The following MARCHF1 variants were observed in gnomAD, a reference collection of about 807,000 sequenced individuals.
MARCHF1 encodes the protein E3 ubiquitin-protein ligase MARCHF1.
A neutral mutation model predicts 54.2 loss-of-function variants in MARCHF1; 40 were observed. The observed-to-expected ratio is 0.74, with a 90% confidence interval of 0.57 to 0.96. The LOEUF (loss-of-function observed/expected upper bound fraction) is 0.96. Ranked by LOEUF, MARCHF1 falls within the 40% of genes least tolerant of loss-of-function variation. MARCHF1 has a pLI of 0.00. For missense variants in MARCHF1, 586 were observed against 656.5 expected, an observed-to-expected ratio of 0.89 and a Z score of 1.17; for synonymous variants, 236 against 236.3, an observed-to-expected ratio of 1.00 and a Z score of 0.01.
chr4:163,667,316 A>C (rs991576614), intron 5 of MARCHF1, among the ~76,000 whole-genome samples: 4 of 152,152 alleles, frequency 2.6e-5, no homozygotes, highest in Non-Finnish European at 5.9e-5. Context: ...TGACCCACCA[A>C]CAAGTGAAAA....
At chr4:163,851,533 A>C (rs973499533) in intron 4 of MARCHF1, among the ~76,000 whole-genome samples, 4 of 152,200 alleles carry the variant, frequency 2.6e-5, no homozygotes, top group Non-Finnish European at 5.9e-5. Flanking sequence ...CTAACCAGAG[A>C]TCACGGATTT....
intron 4 of MARCHF1, among the ~76,000 whole-genome samples, chr4:163,777,564 G>A (rs1195716425): frequency 2.0e-5 from 3 of 152,016 alleles, no homozygotes; most frequent in Admixed American, 6.6e-5. Flanking sequence ...AAAACAAGAG[G>A]TTGGGACCAG....
chr4:163,824,729 A>G (rs375849076), intron 4 of MARCHF1, among the ~76,000 whole-genome samples: 1 of 86,930 alleles, frequency 1.2e-5, no homozygotes, highest in African/African-American at 3.6e-5. Context: ...GAAAATTTTC[A>G]CAACCTACTC....
chr4:164,234,226 C>CA (rs1398371800), intron 1 of MARCHF1, among the ~76,000 whole-genome samples: 1 of 152,120 alleles, frequency 6.6e-6, no homozygotes, highest in Non-Finnish European at 1.5e-5. Flanking sequence ...TCTAGGTAAA[C>CA]AATTGAAAAA....
At chr4:164,071,560 C>T (rs1432643301) in intron 2 of MARCHF1, among the ~76,000 whole-genome samples, 1 of 151,946 alleles carries the variant, frequency 6.6e-6, no homozygotes, top group Non-Finnish European at 1.5e-5. Flanking sequence ...TTATATAATA[C>T]ATATTTTTAA....
At chr4:163,895,876 G>T (rs1218060453) in intron 3 of MARCHF1, among the ~76,000 whole-genome samples, 1 of 152,138 alleles carries the variant, frequency 6.6e-6, no homozygotes, top group Non-Finnish European at 1.5e-5. Flanking sequence ...TCTCTCATTT[G>T]CTCAGTCATG....
At chr4:163,967,430 AG>A (rs1429558790) in intron 3 of MARCHF1, among the ~76,000 whole-genome samples, 1 of 152,190 alleles carries the variant, frequency 6.6e-6, no homozygotes, top group Non-Finnish European at 1.5e-5. Context: ...GTTTTAAGAA[AG>A]GCAAATCACT....
intron 1 of MARCHF1, among the ~76,000 whole-genome samples, chr4:164,139,492 CAAAA>C (rs10604087): frequency 3.1e-5 from 4 of 129,846 alleles, no homozygotes; most frequent in Non-Finnish European, 5.2e-5. Context: ...TATCTAAAGT[CAAAA>C]AAAAAAAAAA....
chr4:163,942,780 CA>C lies in MARCHF1; in HGVS notation c.-39+45720del, dbSNP rs140275020. On this transcript the variant is annotated intron_variant, in intron 3 of 9. Coordinates refer to ENST00000514618, the MANE Select transcript of MARCHF1 (RefSeq NM_001394959.1). Reference sequence around the variant, plus strand: ...ATCTTTTTAGGACAGTTCTGTTGGACAAAAAAAGTCTCCCTTATAATAAATT... The same window carrying C: ...ATCTTTTTAGGACAGTTCTGTTGGACAAAAAAGTCTCCCTTATAATAAATT... Among the ~76,000 whole-genome samples the C allele has an allele frequency of 0.017, 2,601 of 151,888 alleles. 138 individuals are homozygous for C. In the East Asian group the frequency reaches 0.19, roughly 11 times the overall value.
intron 8 of MARCHF1, among the ~76,000 whole-genome samples, chr4:163,575,241 T>A (rs535755503): frequency 6.6e-6 from 1 of 152,220 alleles, no homozygotes; most frequent in East Asian, 1.9e-4. Context: ...AGGGTTTTTA[T>A]CATGAAGGAA....
intron 1 of MARCHF1, among the ~76,000 whole-genome samples, chr4:164,180,727 G>A (rs1730810464): frequency 6.6e-6 from 1 of 152,130 alleles, no homozygotes; most frequent in African/African-American, 2.4e-5. Flanking sequence ...TCTCTTGCAA[G>A]GCACTCTAAC....
chr4:163,906,839 C>T (rs930266454), intron 3 of MARCHF1, among the ~76,000 whole-genome samples: 8 of 151,890 alleles, frequency 5.3e-5, no homozygotes, highest in African/African-American at 1.9e-4. Flanking sequence ...CCCCTCCCCC[C>T]CCACATAATA....
At chr4:163,711,660 C>G (rs911740658) in intron 4 of MARCHF1, among the ~76,000 whole-genome samples, 5 of 152,136 alleles carry the variant, frequency 3.3e-5, no homozygotes, top group Admixed American at 2.0e-4. Context: ...TGTCAGGTAG[C>G]TTTCTGCAAA....
intron 3 of MARCHF1, among the ~76,000 whole-genome samples, chr4:163,985,532 A>G (rs576073159): frequency 1.3e-5 from 2 of 152,334 alleles, no homozygotes; most frequent in Non-Finnish European, 2.9e-5. Context: ...TAAAAAATCA[A>G]CAAAAGAATT....
At chr4:164,189,063 C>T in intron 1 of MARCHF1, 2 of 688,596 alleles carry the variant, frequency 2.9e-6, no homozygotes, top group Non-Finnish European at 5.3e-6. Flanking sequence ...GTGGCAGAAC[C>T]TTCAATGCGT....
In MARCHF1 at chr4:163,777,048, A is replaced by G. The variant is rs372784897; in HGVS notation, c.112-76185T>C. 4.6e-5 allele frequency among the ~76,000 whole-genome samples: 7 copies of G among 152,292 alleles called. No homozygotes were observed. In the South Asian group the frequency reaches 1.0e-3, roughly 23 times the overall value. On this transcript the variant is annotated intron_variant, in intron 4 of 9. Transcript: ENST00000514618. ...TGTAATTCATATTTAAAGAGAAAAG[A>G]CATAGCCTTTCAATCTATGTGATTC...
chr4:163,635,896 A>G (rs1742299774), intron 5 of MARCHF1, among the ~76,000 whole-genome samples: 1 of 152,216 alleles, frequency 6.6e-6, no homozygotes, highest in African/African-American at 2.4e-5. Context: ...CTTATCCACC[A>G]TGATCAAGTG....
intron 8 of MARCHF1, among the ~76,000 whole-genome samples, chr4:163,551,335 AAC>A (rs1177192439): frequency 6.6e-6 from 1 of 152,250 alleles, no homozygotes; most frequent in African/African-American, 2.4e-5. Flanking sequence ...AGAACTAAAC[AAC>A]AGACTCTTAA....
chr4:163,599,389 T>C (rs2065067795), intron 7 of MARCHF1, among the ~76,000 whole-genome samples: 1 of 148,660 alleles, frequency 6.7e-6, no homozygotes, highest in Admixed American at 6.8e-5. Flanking sequence ...CCTACACATA[T>C]ATACAGTCTG....
Sources: allele counts gnomAD v4.1 joint callset (sites outside exome capture counted in the v4.1 genomes callset), GRCh38; gene constraint gnomAD v4.1.1; transcripts MANE v1.5; gene names NCBI Gene and HGNC (gene_info 2026-07-23, HGNC 2026-07-21).